Variants in ADRA1B observed in about 807,000 individuals in gnomAD.
The protein encoded by ADRA1B is alpha-1B adrenergic receptor.
ADRA1B carries 17 observed loss-of-function variants against 17.9 expected under a neutral mutation model. The observed-to-expected ratio is 0.95, with a 90% CI of 0.65 to 1.42. ADRA1B has a LOEUF of 1.42. ADRA1B is among the 40% of genes most tolerant of loss of function. The pLI is 0.00. For missense variants in ADRA1B, 681 were observed against 722.1 expected (o/e 0.94, Z 0.65); for synonymous variants, 366 against 327.6 (o/e 1.12, Z -1.27).
chr5:159,884,093 G>T (rs539206155), intron 1 of ADRA1B, among the ~76,000 whole-genome samples: 1 of 152,214 alleles, frequency 6.6e-6, no homozygotes, highest in African/African-American at 2.4e-5. Flanking sequence ...ATGGCCTAAA[G>T]CCAAAAATAA....
At chr5:159,908,842 A>T (rs1754194302) in intron 1 of ADRA1B, among the ~76,000 whole-genome samples, 1 of 152,216 alleles carries the variant, frequency 6.6e-6, no homozygotes, top group Admixed American at 6.5e-5. Flanking sequence ...GTAAGTGGGT[A>T]GCGCTCCAAA....
At chr5:159,985,166 A>G in the ADRA1B span, among the ~76,000 whole-genome samples, 1 of 152,090 alleles carries the variant, frequency 6.6e-6, no homozygotes, top group African/African-American at 2.4e-5. Flanking sequence ...AGATATTTAC[A>G]GGTTTCACAC....
At position 159,972,536 on chromosome 5, in the gene ADRA1B, T is replaced by TGGGGGGGAGGGGAGGGC; in HGVS notation, c.*49_*65dup. 1 of 28,932 alleles carries TGGGGGGGAGGGGAGGGC rather than the reference T, an allele frequency of 3.5e-5. No homozygotes were observed. The highest frequency in any genetic ancestry group is 4.0e-4 in the East Asian group (1 of 2,528). 1.8% of individuals were successfully genotyped at this position (28,932 alleles called of 1,614,324 possible). On this transcript the variant is annotated 3_prime_UTR_variant, in exon 2 of 2. Transcript: ENST00000306675. ...TCTTTCCCTGGGGAGGAAAACATCG[T>TGGGGGGGAGGGGAGGGC]GGGGGGGAGGGGAGGGCGGGGCGGA...
rs532690456 is a variant in ADRA1B at position 159,972,060 on chromosome 5, C to A, written c.1131C>A (p.Arg377=). The stretch of plus-strand genomic sequence containing the variant: ...GCCGCGGCCGCCGCCGACGCCGCCG[C>A]CGCCGTCGCCTGGGCGGCTGCGCCT... ...CRGRGRRRRR[R]RRRLGGCAYT... The change falls in exon 2 of 2, where the codon CGC becomes CGA. Residue 377 remains arginine (R), a synonymous_variant. Transcript: ENST00000306675. The A allele has an allele frequency of 1.1e-4, 141 of 1,311,612 alleles. 2 individuals are homozygous for A. In the South Asian group the frequency reaches 1.8e-3, roughly 16 times the overall value. The allele number at this position is 1,311,612 out of a possible 1,614,324, so 81.2% of individuals were successfully genotyped here.
chr5:159,947,849 G>A (rs1015366037), intron 1 of ADRA1B: 3 of 985,304 alleles, frequency 3.0e-6, no homozygotes, highest in Admixed American at 6.2e-5. Flanking sequence ...TGAGAAAGGA[G>A]CCAGCAATTA....
chr5:159,984,843 A>AG, the ADRA1B span, among the ~76,000 whole-genome samples: 1 of 151,362 alleles, frequency 6.6e-6, no homozygotes, highest in African/African-American at 2.4e-5. Flanking sequence ...TGGGGGGCAG[A>AG]GGTTACAGTG....
rs1342058941 is a variant in ADRA1B at position 159,972,875 on chromosome 5, T to G, written c.*383T>G. 6.6e-6 allele frequency among the ~76,000 whole-genome samples: 1 copy of G among 152,214 alleles called. No individual in the cohort carries two copies. The highest frequency in any genetic ancestry group is 2.4e-5 in the African/African-American group (1 of 41,460). ...GGCCGCCCTGTGAGGGCGCGGCGAC[T>G]GTGCGCCCAGGAGGCAACCGGGGGC... On this transcript the variant is annotated 3_prime_UTR_variant, in exon 2 of 2. Coordinates refer to ENST00000306675, the MANE Select transcript of ADRA1B (RefSeq NM_000679.4).
At position 159,878,299 on chromosome 5, in the gene ADRA1B, G is replaced by A. The variant is rs541697682; in HGVS notation, c.-256+13093G>A. The stretch of plus-strand genomic sequence containing the variant: ...GAGGGCTGAGCACAGGGTTTGCACT[G>A]GGCAGCTGGGATCCAGTTCAAGGGG... On this transcript the variant is annotated intron_variant, in intron 1 of 2. Transcript: ENST00000641205. 2.0e-5 allele frequency among the ~76,000 whole-genome samples: 3 copies of A among 152,272 alleles called. No homozygotes were observed. The East Asian group carries it at 5.8e-4, about 29-fold the overall frequency.
At chr5:159,874,443 T>G (rs1753781352) in intron 1 of ADRA1B, among the ~76,000 whole-genome samples, 1 of 152,262 alleles carries the variant, frequency 6.6e-6, no homozygotes, top group South Asian at 2.1e-4. Context: ...AACTAATTCC[T>G]GACCTTAACC....
Position 159,959,901 on chromosome 5 carries a change from G to T in ADRA1B, c.950-11978G>T, listed in dbSNP as rs146932203. 2.1e-3 allele frequency among the ~76,000 whole-genome samples: 316 copies of T among 151,910 alleles called. 3 individuals are homozygous for T. Among genetic ancestry groups the T allele is most frequent in the African/African-American group, 7.4e-3 (305 of 41,406 alleles). On this transcript the variant is annotated intron_variant, in intron 1 of 1. Transcript: ENST00000306675. ...TCTCAGAGTTTAGAAATAATATTGC[G>T]TATTATGGAAACTAATTTGAGGCCA...
intron 1 of ADRA1B, among the ~76,000 whole-genome samples, chr5:159,963,256 T>C (rs1022571496): frequency 2.2e-5 from 3 of 137,638 alleles, no homozygotes; most frequent in Non-Finnish European, 4.8e-5. Context: ...ATGAGCATTA[T>C]GTTGAGACTT....
At chr5:159,871,058 T>G (rs949521298) in intron 1 of ADRA1B, 5 of 152,188 alleles carry the variant, frequency 3.3e-5, no homozygotes, top group Non-Finnish European at 7.3e-5. Flanking sequence ...GTGGCCATGT[T>G]TCCTGCAACC....
the ADRA1B span, among the ~76,000 whole-genome samples, chr5:159,981,101 G>A: frequency 2.0e-5 from 3 of 152,180 alleles, no homozygotes; most frequent in African/African-American, 7.2e-5. Flanking sequence ...GCAACCCACA[G>A]GATGAAATAC....
chr5:159,967,277 G>A (rs1755792584), intron 1 of ADRA1B, among the ~76,000 whole-genome samples: 1 of 152,194 alleles, frequency 6.6e-6, no homozygotes, highest in African/African-American at 2.4e-5. Flanking sequence ...CTAGGATTCA[G>A]CCAGACCTGG....
intron 1 of ADRA1B, among the ~76,000 whole-genome samples, chr5:159,956,943 G>T (rs1403365892): frequency 6.6e-6 from 1 of 152,024 alleles, no homozygotes; most frequent in African/African-American, 2.4e-5. Context: ...TGCAATCTCG[G>T]CTCACTGCCA....
intron 1 of ADRA1B, among the ~76,000 whole-genome samples, chr5:159,907,016 A>G (rs1754169038): frequency 1.3e-5 from 2 of 152,112 alleles, no homozygotes; most frequent in African/African-American, 4.8e-5. Context: ...TAGGGTATGA[A>G]TGGCCAGCCT....
intron 1 of ADRA1B, among the ~76,000 whole-genome samples, chr5:159,898,343 A>G (rs1349762980): frequency 6.6e-6 from 1 of 152,218 alleles, no homozygotes; most frequent in Non-Finnish European, 1.5e-5. Context: ...GAGGGCAGAG[A>G]AAACTATCGC....
intron 1 of ADRA1B, among the ~76,000 whole-genome samples, chr5:159,932,567 A>G (rs1332946605): frequency 2.0e-5 from 3 of 152,222 alleles, no homozygotes; most frequent in Admixed American, 6.5e-5. Context: ...TAAGACACAC[A>G]CAAGGTATCA....
the ADRA1B span, among the ~76,000 whole-genome samples, chr5:159,988,216 G>C: frequency 2.4e-3 from 363 of 152,272 alleles, 2 homozygotes; most frequent in African/African-American, 8.2e-3. Context: ...TGAAGATGGG[G>C]AAAGGAGGCC....
Sources: allele counts gnomAD v4.1 joint callset (sites outside exome capture counted in the v4.1 genomes callset), GRCh38; gene constraint gnomAD v4.1.1; transcripts MANE v1.5; gene names NCBI Gene and HGNC (gene_info 2026-07-23, HGNC 2026-07-21).